CSRNP3: variants seen among roughly 807,000 people sequenced by gnomAD.
CSRNP3 encodes cysteine and serine rich nuclear protein 3.
In CSRNP3, 12 loss-of-function variants were observed where a neutral mutation model predicts 48.0. The ratio of observed to expected loss-of-function variants is 0.25; its 90% confidence interval spans 0.16 to 0.41. The LOEUF is 0.41. Among genes scored for constraint, CSRNP3 ranks in the 10% least tolerant of loss-of-function variants. CSRNP3 has a pLI of 1.00. For missense variants in CSRNP3, 580 were observed against 724.4 expected (o/e 0.80, Z 2.29); for synonymous variants, 263 against 269.7 (o/e 0.98, Z 0.24).
intron 3 of CSRNP3, among the ~76,000 whole-genome samples, chr2:165,556,022 GC>G (rs1215596782): frequency 2.6e-5 from 4 of 152,118 alleles, no homozygotes; most frequent in Admixed American, 2.6e-4. Context: ...GTTTTAGATT[GC>G]CTACCTGGTA....
intron 4 of CSRNP3, among the ~76,000 whole-genome samples, chr2:165,636,669 T>C (rs1367627120): frequency 6.6e-6 from 1 of 152,254 alleles, no homozygotes; most frequent in Admixed American, 6.5e-5. Flanking sequence ...ACATATGTAA[T>C]ATTTGTATAT....
chr2:165,543,509 T>C (rs565395695), intron 3 of CSRNP3, among the ~76,000 whole-genome samples: 1 of 152,296 alleles, frequency 6.6e-6, no homozygotes, highest in East Asian at 1.9e-4. Context: ...CATTGTTTTC[T>C]ATCTATTTTT....
chr2:165,592,963 G>A lies in CSRNP3; in HGVS notation c.-23-2080G>A, dbSNP rs374210986. 7.9e-5 allele frequency among the ~76,000 whole-genome samples: 12 copies of A among 151,020 alleles called. No homozygotes were observed. The East Asian group carries it at 2.3e-3, about 30-fold the overall frequency. On this transcript the variant is annotated intron_variant, in intron 3 of 6. Coordinates refer to ENST00000651982, the MANE Select transcript of CSRNP3 (RefSeq NM_001172173.2). ...ACTACAGGCGCCCGCCACTACGCCC[G>A]GCTAATTTTTTGTATTTTTAGTAGA...
Position 165,681,122 on chromosome 2 carries a change from T to G in CSRNP3, c.*1369T>G, listed in dbSNP as rs1361838968. On this transcript the variant is annotated 3_prime_UTR_variant, in exon 7 of 7. Coordinates refer to ENST00000651982, the MANE Select transcript of CSRNP3 (RefSeq NM_001172173.2). ...GAAATAAAACATGCACTCCCCACCTTTAGATTACCTGCACTTGGTTCGTCG... is the reference window on the plus strand; with the variant it reads ...GAAATAAAACATGCACTCCCCACCTGTAGATTACCTGCACTTGGTTCGTCG... The G allele has an allele frequency of 5.3e-5, 8 of 152,170 alleles. No individual in the cohort carries two copies. The highest frequency in any genetic ancestry group is 1.2e-4 in the Non-Finnish European group (8 of 68,026). 9.4% of individuals were successfully genotyped at this position (152,170 alleles called of 1,614,324 possible).
intron 3 of CSRNP3, among the ~76,000 whole-genome samples, chr2:165,588,898 G>A (rs551241292): frequency 8.5e-5 from 13 of 152,162 alleles, no homozygotes; most frequent in South Asian, 4.2e-4. Context: ...GGAGGTTGAG[G>A]CTACAGTGAG....
At chr2:165,660,268 T>G (rs1687074569) in intron 5 of CSRNP3, among the ~76,000 whole-genome samples, 1 of 152,226 alleles carries the variant, frequency 6.6e-6, no homozygotes, top group Non-Finnish European at 1.5e-5. Flanking sequence ...GAACATGATT[T>G]AATGTAATCC....
intron 5 of CSRNP3, among the ~76,000 whole-genome samples, chr2:165,660,383 T>C (rs1687076413): frequency 1.4e-5 from 1 of 72,810 alleles, no homozygotes; most frequent in Non-Finnish European, 3.4e-5. Context: ...AGAAAATGGA[T>C]TCTATTATTA....
At chr2:165,571,490 T>C (rs535566776) in intron 3 of CSRNP3, among the ~76,000 whole-genome samples, 16 of 151,896 alleles carry the variant, frequency 1.1e-4, no homozygotes, top group Non-Finnish European at 8.8e-5. Flanking sequence ...TACACACACA[T>C]ACACACACAT....
At chr2:165,535,011 T>G (rs1292657089) in intron 3 of CSRNP3, among the ~76,000 whole-genome samples, 4 of 151,862 alleles carry the variant, frequency 2.6e-5, no homozygotes, top group Admixed American at 6.6e-5. Flanking sequence ...AAACCACTTT[T>G]CTATATTATA....
At chr2:165,576,871 G>T (rs1016223647) in intron 3 of CSRNP3, among the ~76,000 whole-genome samples, 1 of 152,004 alleles carries the variant, frequency 6.6e-6, no homozygotes, top group Non-Finnish European at 1.5e-5. Flanking sequence ...TAAAGAGATA[G>T]TGTTATATCA....
chr2:165,577,189 A>G (rs1012396853), intron 3 of CSRNP3, among the ~76,000 whole-genome samples: 2 of 151,816 alleles, frequency 1.3e-5, no homozygotes, highest in African/African-American at 4.8e-5. Context: ...TGTAGAAGGA[A>G]AATGCTCAAA....
rs540132706 is a variant in CSRNP3 at position 165,582,351 on chromosome 2, G to A, written c.-23-12692G>A. Among the ~76,000 whole-genome samples, 4 of 152,326 alleles carry A rather than the reference G, an allele frequency of 2.6e-5. No individual in the cohort carries two copies. The East Asian group carries it at 7.7e-4, about 29-fold the overall frequency. ...ATCTAACCACCTTTTAGGAAAGACA[G>A]GTACTGTCTAGGAAAGTGTACCTTA... On this transcript the variant is annotated intron_variant, in intron 3 of 6. Transcript: ENST00000651982.
intron 4 of CSRNP3, among the ~76,000 whole-genome samples, chr2:165,653,316 A>G (rs2105343439): frequency 6.6e-6 from 1 of 152,312 alleles, no homozygotes; most frequent in Non-Finnish European, 1.5e-5. Flanking sequence ...TGTTCTCACA[A>G]TGTTATGTAT....
At chr2:165,578,565 A>T (rs1055089987) in intron 3 of CSRNP3, among the ~76,000 whole-genome samples, 1 of 152,110 alleles carries the variant, frequency 6.6e-6, no homozygotes, top group Non-Finnish European at 1.5e-5. Context: ...GATCTAGTCC[A>T]ACATATTTGG....
chr2:165,686,031 T>G lies in CSRNP3; in HGVS notation c.*6278T>G, dbSNP rs1687625062. On this transcript the variant is annotated 3_prime_UTR_variant, in exon 7 of 7. Transcript: ENST00000651982. ...TCTAAGTTAATTTATGTGACCTGATTGAACAGTTTTAGTTGTAACTTTAGA... is the reference window on the plus strand; with the variant it reads ...TCTAAGTTAATTTATGTGACCTGATGGAACAGTTTTAGTTGTAACTTTAGA... The G allele has an allele frequency of 6.6e-6, 1 of 152,120 alleles. No homozygotes were observed. Among genetic ancestry groups the G allele is most frequent in the Non-Finnish European group, 1.5e-5 (1 of 67,982 alleles). 9.4% of individuals were successfully genotyped at this position (152,120 alleles called of 1,614,324 possible). A position where few individuals can be genotyped will look rare whatever the true frequency, so the allele number is the denominator to read the frequency against.
chr2:165,496,557 A>T (rs1553470596), intron 2 of CSRNP3, among the ~76,000 whole-genome samples: 1 of 152,076 alleles, frequency 6.6e-6, no homozygotes, highest in African/African-American at 2.4e-5. Context: ...GCAATAGTAC[A>T]TATTTACATT....
chr2:165,524,975 T>C (rs1199141494), intron 3 of CSRNP3, among the ~76,000 whole-genome samples: 1 of 152,246 alleles, frequency 6.6e-6, no homozygotes. Flanking sequence ...ACATGATGAG[T>C]GTATGTTTAG....
In CSRNP3 at chr2:165,673,131, C is replaced by CTTTTTTTTTTTTTT. The variant is rs3032370; in HGVS notation, c.409-3170_409-3157dup. Among the ~76,000 whole-genome samples, 5 of 67,122 alleles carry CTTTTTTTTTTTTTT rather than the reference C, an allele frequency of 7.4e-5. 1 individual carries two copies. The highest frequency in any genetic ancestry group is 1.2e-4 in the African/African-American group (2 of 16,968). The allele number at this position is 67,122 out of a possible 152,430, so 44.0% of individuals were successfully genotyped here. Reference sequence around the variant, plus strand: ...AGCAAGAGTGAAACAGTATGTAGCTCTTTTTTTTTTTTTTTTTTTTTTTTG... The same window carrying CTTTTTTTTTTTTTT: ...AGCAAGAGTGAAACAGTATGTAGCTCTTTTTTTTTTTTTTTTTTTTTTTTTTTTTTTTTTTTTTG... On this transcript the variant is annotated intron_variant, in intron 5 of 6. Coordinates refer to ENST00000651982, the MANE Select transcript of CSRNP3 (RefSeq NM_001172173.2).
intron 3 of CSRNP3, among the ~76,000 whole-genome samples, chr2:165,575,113 G>A (rs972458506): frequency 1.3e-5 from 2 of 152,110 alleles, no homozygotes; most frequent in African/African-American, 4.8e-5. Flanking sequence ...AGTTAAGTCT[G>A]CATTGTAAAG....
Sources: gnomAD v4.1 joint callset for allele counts (sites outside exome capture counted in the v4.1 genomes callset) on GRCh38, gnomAD v4.1.1 for gene constraint, MANE v1.5 for transcripts, NCBI Gene and HGNC (gene_info 2026-07-23, HGNC 2026-07-21) for gene names.